Variants in NKAIN2 observed in about 807,000 individuals in gnomAD.
The protein encoded by NKAIN2 is sodium/potassium-transporting ATPase subunit beta-1-interacting protein 2.
A neutral mutation model predicts 32.6 loss-of-function variants in NKAIN2; 14 were observed. The ratio of observed to expected loss-of-function variants is 0.43; its 90% CI spans 0.28 to 0.67. The LOEUF (loss-of-function observed/expected upper bound fraction) is 0.67. NKAIN2 is among the 30% of genes least tolerant of loss of function. The probability of loss-of-function intolerance (pLI) is 0.17; values close to 1 mark genes in which losing one functional copy is unlikely to be tolerated. For synonymous variants in NKAIN2, 80 were observed against 87.2 expected (o/e 0.92, Z 0.46); for missense variants, 198 against 258.3 (o/e 0.77, Z 1.60).
At chr6:124,620,525 G>A (rs1783067658) in intron 3 of NKAIN2, among the ~76,000 whole-genome samples, 1 of 152,180 alleles carries the variant, frequency 6.6e-6, no homozygotes, top group Non-Finnish European at 1.5e-5. Flanking sequence ...GGAATTACCA[G>A]AGATTGTCAG....
At chr6:124,381,512 T>C (rs905012382) in intron 3 of NKAIN2, among the ~76,000 whole-genome samples, 2 of 152,168 alleles carry the variant, frequency 1.3e-5, no homozygotes, top group East Asian at 3.9e-4. Context: ...AGGCACTTTG[T>C]ATTTTGAGGC....
intron 3 of NKAIN2, chr6:124,437,872 A>ATTTTTTTT (rs374033234): frequency 3.8e-5 from 13 of 344,324 alleles, no homozygotes; most frequent in Admixed American, 1.5e-4. Flanking sequence ...TGATCTATTG[A>ATTTTTTTT]TTTTTTTTTT....
intron 3 of NKAIN2, among the ~76,000 whole-genome samples, chr6:124,454,106 TGGG>T (rs35989042): frequency 1.6e-5 from 1 of 60,718 alleles, no homozygotes; most frequent in Non-Finnish European, 4.2e-5. Context: ...GTTTTTTTTT[TGGG>T]GGGGGGGGTT....
chr6:124,632,833 T>C (rs1222311973), intron 3 of NKAIN2, among the ~76,000 whole-genome samples: 1 of 152,340 alleles, frequency 6.6e-6, no homozygotes, highest in East Asian at 1.9e-4. Flanking sequence ...AAAAATTCTC[T>C]TGTAAGAATA....
At chr6:124,632,584 T>G (rs1358534078) in intron 3 of NKAIN2, among the ~76,000 whole-genome samples, 1 of 152,216 alleles carries the variant, frequency 6.6e-6, no homozygotes, top group Non-Finnish European at 1.5e-5. Context: ...ATGAGTACTT[T>G]TCTTTGTTTC....
rs774991104 is a variant in NKAIN2, at chr6:124,658,314, C to T, written c.402C>T (p.Ile134=). Residue 134 remains isoleucine, a synonymous_variant, in exon 4 of 7, where the codon ATC becomes ATT. Coordinates refer to ENST00000368417, the MANE Select transcript of NKAIN2 (RefSeq NM_001040214.3). ...PDWAPEDHRY[I]TVSGCLLEYQ... ...GGGCCCCAGAAGACCATCGCTACATCACGGTCTCAGGGTGTTTGCTGGAGT... is the reference window on the plus strand; with the variant it reads ...GGGCCCCAGAAGACCATCGCTACATTACGGTCTCAGGGTGTTTGCTGGAGT... 2 of 1,614,124 alleles carry T rather than the reference C, an allele frequency of 1.2e-6. No individual in the cohort carries two copies. Among genetic ancestry groups the T allele is most frequent in the Admixed American group, 1.7e-5 (1 of 60,018 alleles).
At chr6:123,957,311 CTTT>C (rs760750883) in intron 1 of NKAIN2, among the ~76,000 whole-genome samples, 1 of 152,162 alleles carries the variant, frequency 6.6e-6, no homozygotes, top group Non-Finnish European at 1.5e-5. Flanking sequence ...ACCACCTCTT[CTTT>C]ATCTTTTCAA....
rs114060632 is a variant in NKAIN2 at position 124,309,350 on chromosome 6, T to C, written c.192+26208T>C. ...GAAGGAAATCACACCAAAAGCATTT[T>C]CTAAATTGAAATTTTTGGGGGATAA... is the stretch of plus-strand genomic sequence containing the variant. On this transcript the variant is annotated intron_variant, in intron 2 of 6. Coordinates refer to ENST00000368417, the MANE Select transcript of NKAIN2 (RefSeq NM_001040214.3). Among the ~76,000 whole-genome samples the C allele has an allele frequency of 6.1e-3, 934 of 152,244 alleles. 8 individuals carry two copies. Among genetic ancestry groups the C allele is most frequent in the African/African-American group, 0.022 (897 of 41,564 alleles).
chr6:124,394,665 A>AC (rs1773298927), intron 3 of NKAIN2, among the ~76,000 whole-genome samples: 1 of 151,992 alleles, frequency 6.6e-6, no homozygotes, highest in African/African-American at 2.4e-5. Context: ...AAAAAAAAAA[A>AC]AAACAGTGTC....
chr6:124,702,960 G>C (rs933138444), intron 4 of NKAIN2, among the ~76,000 whole-genome samples: 2 of 151,922 alleles, frequency 1.3e-5, no homozygotes, highest in Admixed American at 1.3e-4. Flanking sequence ...ATTTTTATTT[G>C]AAAACAAATT....
intron 2 of NKAIN2, among the ~76,000 whole-genome samples, chr6:124,329,748 G>A (rs1234287434): frequency 6.6e-6 from 1 of 152,212 alleles, no homozygotes; most frequent in Admixed American, 6.5e-5. Flanking sequence ...AGATTGGTCT[G>A]TCAGACTGGC....
At chr6:124,106,847 C>CA (rs773723203) in intron 1 of NKAIN2, among the ~76,000 whole-genome samples, 1 of 152,046 alleles carries the variant, frequency 6.6e-6, no homozygotes, top group African/African-American at 2.4e-5. Context: ...GAACAAAACA[C>CA]AAAAAATGTA....
At chr6:124,070,160 T>C (rs1309349116) in intron 1 of NKAIN2, among the ~76,000 whole-genome samples, 1 of 152,230 alleles carries the variant, frequency 6.6e-6, no homozygotes, top group African/African-American at 2.4e-5. Flanking sequence ...CTATATTCGC[T>C]GCTTTTCTTC....
intron 3 of NKAIN2, among the ~76,000 whole-genome samples, chr6:124,395,415 CA>C (rs1773334824): frequency 6.6e-6 from 1 of 152,086 alleles, no homozygotes; most frequent in African/African-American, 2.4e-5. Context: ...AAGTGGATAT[CA>C]TAGATACACT....
intron 1 of NKAIN2, among the ~76,000 whole-genome samples, chr6:124,090,356 G>A (rs1303946497): frequency 6.6e-6 from 1 of 152,010 alleles, no homozygotes; most frequent in East Asian, 1.9e-4. Context: ...AATTCTAGCT[G>A]CAAAAAGTTG....
intron 4 of NKAIN2, among the ~76,000 whole-genome samples, chr6:124,764,545 G>C (rs1035390913): frequency 2.0e-5 from 3 of 152,106 alleles, no homozygotes; most frequent in African/African-American, 7.2e-5. Flanking sequence ...GGATAAAAAT[G>C]GTTAAGAATC....
intron 1 of NKAIN2, among the ~76,000 whole-genome samples, chr6:123,970,837 G>A (rs559256233): frequency 5.7e-4 from 86 of 152,000 alleles, no homozygotes; most frequent in African/African-American, 1.9e-3. Context: ...AGCTGAGATC[G>A]CGCCACTGCA....
At chr6:124,158,302 C>T (rs79717506) in intron 1 of NKAIN2, among the ~76,000 whole-genome samples, 147 of 152,166 alleles carry the variant, frequency 9.7e-4, no homozygotes, top group African/African-American at 3.5e-3. Context: ...TAGGACCCAC[C>T]TTAGTGTCCT....
chr6:124,380,196 C>A (rs1170565965), intron 3 of NKAIN2, among the ~76,000 whole-genome samples: 2 of 152,140 alleles, frequency 1.3e-5, no homozygotes, highest in East Asian at 3.9e-4. Flanking sequence ...TGAATCTCAT[C>A]TGTGAGGGCT....
Sources: allele counts gnomAD v4.1 joint callset (sites outside exome capture counted in the v4.1 genomes callset), GRCh38; gene constraint gnomAD v4.1.1; transcripts MANE v1.5; gene names NCBI Gene and HGNC (gene_info 2026-07-23, HGNC 2026-07-21).